EPYC: variants seen among roughly 807,000 people sequenced by gnomAD.
EPYC encodes dermatan sulfate proteoglycan 3.
EPYC carries 28 observed loss-of-function variants against 30.1 expected under a neutral mutation model. That is an observed-to-expected ratio of 0.93 (90% CI 0.69 to 1.28). EPYC has a LOEUF of 1.28. EPYC is among the 50% of genes most tolerant of loss of function. EPYC has a pLI of 0.00. For missense variants in EPYC, 382 were observed against 383.5 expected (o/e 1.00, Z 0.03); for synonymous variants, 144 against 141.4 (o/e 1.02, Z -0.13).
chr12:90,981,532 T>G (rs1877325502), intron 2 of EPYC, among the ~76,000 whole-genome samples: 1 of 152,164 alleles, frequency 6.6e-6, no homozygotes, highest in Admixed American at 6.6e-5. Context: ...TCAGAACCAT[T>G]TTAAGTGACA....
chr12:90,990,426 G>A (rs1372085647), intron 2 of EPYC, among the ~76,000 whole-genome samples: 1 of 152,128 alleles, frequency 6.6e-6, no homozygotes, highest in East Asian at 1.9e-4. Context: ...CCAGGTAATC[G>A]CCAATTGCCT....
intron 3 of EPYC, among the ~76,000 whole-genome samples, chr12:90,975,419 T>A (rs957358020): frequency 3.9e-4 from 60 of 152,084 alleles, no homozygotes; most frequent in African/African-American, 1.4e-3. Flanking sequence ...AAAAATATGG[T>A]ATTTTTATTT....
chr12:90,977,311 G>T (rs900748555), intron 3 of EPYC, among the ~76,000 whole-genome samples: 2 of 152,116 alleles, frequency 1.3e-5, no homozygotes, highest in South Asian at 4.1e-4. Flanking sequence ...ATTTGAACAA[G>T]AAATACGGAC....
intron 2 of EPYC, 62 bp from the exon 3 acceptor site, chr12:90,978,324 G>A: frequency 6.7e-7 from 1 of 1,498,410 alleles, no homozygotes; most frequent in Non-Finnish European, 8.9e-7. Flanking sequence ...CTGTGTGGCA[G>A]TGACACAAAT....
intron 2 of EPYC, among the ~76,000 whole-genome samples, chr12:90,999,432 A>G (rs1057089910): frequency 6.6e-6 from 1 of 152,132 alleles, no homozygotes; most frequent in Non-Finnish European, 1.5e-5. Context: ...AAGGTTTTCT[A>G]TTCTACAGAT....
rs1877048601 is a variant in EPYC, at chr12:90,971,687, TA to T, written c.702+112del. On this transcript the variant is annotated intron_variant, in intron 5 of 6. Coordinates refer to ENST00000261172, the MANE Select transcript of EPYC (RefSeq NM_004950.5). ...GACCCTATCTCAATAAATAAATAAATAAATAAATAAATAAATAAATAAATTT... is the reference window on the plus strand; with the variant it reads ...GACCCTATCTCAATAAATAAATAAATAATAAATAAATAAATAAATAAATTT... 1.2e-5 allele frequency: 4 copies of T among 327,110 alleles called. No individual in the cohort carries two copies. The Admixed American group carries it at 1.5e-4, about 13-fold the overall frequency. 20.3% of individuals were successfully genotyped at this position (327,110 alleles called of 1,614,324 possible). A position where few individuals can be genotyped will look rare whatever the true frequency, so the allele number is the denominator to read the frequency against.
chr12:90,970,115 AC>A lies in EPYC; in HGVS notation c.726del (p.Tyr243ThrfsTer42). ...TGGTCCAAGTTGTTATCAGTGAGGTACAGATGATGGAGATCATACATGTCCT... is the reference window on the plus strand; with the variant it reads ...TGGTCCAAGTTGTTATCAGTGAGGTAAGATGATGGAGATCATACATGTCCT... ...AFKDMYDLHH[L>X]YLTDNNLDHI... On this transcript the variant is annotated frameshift_variant, in exon 6 of 7. Coordinates refer to ENST00000261172, the MANE Select transcript of EPYC (RefSeq NM_004950.5). LOFTEE classifies it high-confidence loss of function. The A allele has an allele frequency of 6.2e-7, 1 of 1,613,810 alleles. No homozygotes were observed. The highest frequency in any genetic ancestry group is 1.1e-5 in the South Asian group (1 of 91,078).
chr12:90,991,614 C>T (rs543030226), intron 2 of EPYC, among the ~76,000 whole-genome samples: 2 of 152,152 alleles, frequency 1.3e-5, no homozygotes, highest in South Asian at 4.2e-4. Flanking sequence ...CTAGATGACA[C>T]AGTACTAGAG....
At chr12:90,996,643 T>C (rs1355827966) in intron 2 of EPYC, among the ~76,000 whole-genome samples, 1 of 152,018 alleles carries the variant, frequency 6.6e-6, no homozygotes, top group Non-Finnish European at 1.5e-5. Context: ...GTAACTGCTG[T>C]ATTTTATGGC....
Position 90,978,244 on chromosome 12 carries a change from T to C in EPYC, c.184A>G (p.Met62Val). 1.3e-6 allele frequency: 2 copies of C among 1,572,974 alleles called. No homozygotes were observed. The highest frequency in any genetic ancestry group is 2.3e-5 in the East Asian group (1 of 42,894). The change falls in exon 3 of 7, where the codon ATG (methionine) becomes GTG (valine). Residue 62 changes from methionine (M) to valine (V), a missense_variant. Coordinates refer to ENST00000261172, the MANE Select transcript of EPYC (RefSeq NM_004950.5). ...AGGAGCTCTCTGTTCCCTGAAGGCA[T>C]CACTGTGGCTATTTCAATCTGAAAA... Reference protein sequence around the residue: ...DKVEIEIATVMPSGNRELLTP... With the variant: ...DKVEIEIATVVPSGNRELLTP...
intron 6 of EPYC, among the ~76,000 whole-genome samples, chr12:90,966,747 G>A (rs916264591): frequency 1.3e-5 from 2 of 152,108 alleles, no homozygotes; most frequent in African/African-American, 2.4e-5. Flanking sequence ...TAAAGTTAAC[G>A]AGTAAATCCA....
intron 2 of EPYC, among the ~76,000 whole-genome samples, chr12:90,979,465 C>T (rs925585282): frequency 1.3e-5 from 2 of 152,068 alleles, no homozygotes; most frequent in African/African-American, 4.8e-5. Context: ...TATTTTCAGA[C>T]CAGGTATTTT....
At chr12:90,969,652 T>G (rs753636970) in intron 6 of EPYC, among the ~76,000 whole-genome samples, 4 of 146,876 alleles carry the variant, frequency 2.7e-5, no homozygotes, top group South Asian at 2.1e-4. Flanking sequence ...GAAACTGATG[T>G]TTTTTTTTTC....
intron 1 of EPYC, among the ~76,000 whole-genome samples, chr12:91,003,075 C>T (rs1164494878): frequency 6.6e-6 from 1 of 152,152 alleles, no homozygotes; most frequent in East Asian, 1.9e-4. Context: ...CAGTGATCCA[C>T]AGTGTGGCTT....
At chr12:90,970,752 TGATG>T (rs1169493746) in intron 5 of EPYC, among the ~76,000 whole-genome samples, 1 of 152,192 alleles carries the variant, frequency 6.6e-6, no homozygotes, top group African/African-American at 2.4e-5. Flanking sequence ...TAGCTACCAT[TGATG>T]GTATCACTGG....
At chr12:91,002,638 C>A in intron 1 of EPYC, 60 bp from the exon 2 acceptor site, 2 of 1,322,236 alleles carry the variant, frequency 1.5e-6, no homozygotes, top group South Asian at 2.8e-5. Flanking sequence ...ATAGTTTGCA[C>A]TAAATAGAAA....
chr12:91,004,230 C>T (rs1877899016), intron 1 of EPYC, among the ~76,000 whole-genome samples: 1 of 152,082 alleles, frequency 6.6e-6, no homozygotes, highest in Non-Finnish European at 1.5e-5. Flanking sequence ...CACTTGCTGG[C>T]CTTTTTTCTC....
intron 2 of EPYC, among the ~76,000 whole-genome samples, chr12:90,981,090 A>T (rs986231385): frequency 6.6e-6 from 1 of 152,138 alleles, no homozygotes; most frequent in African/African-American, 2.4e-5. Flanking sequence ...TAGGGAGTAC[A>T]TTCTGTGTCC....
chr12:90,976,600 T>C (rs767599609), intron 3 of EPYC, among the ~76,000 whole-genome samples: 3 of 152,146 alleles, frequency 2.0e-5, no homozygotes, highest in African/African-American at 4.8e-5. Flanking sequence ...CTCTTAGTCA[T>C]GCCTTAGGTA....
Sources: gnomAD v4.1 joint callset for allele counts (sites outside exome capture counted in the v4.1 genomes callset) on GRCh38, gnomAD v4.1.1 for gene constraint, MANE v1.5 for transcripts, NCBI Gene and HGNC (gene_info 2026-07-23, HGNC 2026-07-21) for gene names.